PHLPP1: variants seen among roughly 807,000 people sequenced by gnomAD.
PHLPP1 encodes PH domain leucine-rich repeat-containing protein phosphatase 1.
A neutral mutation model predicts 117.2 loss-of-function variants in PHLPP1; 42 were observed. The observed-to-expected ratio is 0.36, with a 90% CI of 0.28 to 0.46. PHLPP1 has a LOEUF of 0.46. Ranked by LOEUF, PHLPP1 falls within the 20% of genes least tolerant of loss-of-function variation. PHLPP1 has a pLI of 1.00. For synonymous variants in PHLPP1, 1,042 were observed against 970.7 expected (o/e 1.07, Z -1.37); for missense variants, 2,084 against 2,241.9 (o/e 0.93, Z 1.42).
intron 15 of PHLPP1, 48 bp downstream of exon 15, chr18:62,972,756 T>G (rs1003038866): frequency 8.7e-6 from 12 of 1,381,076 alleles, no homozygotes; most frequent in Non-Finnish European, 1.1e-5. Context: ...TCTTGCTCTT[T>G]GAGTGTTTAT....
intron 1 of PHLPP1, among the ~76,000 whole-genome samples, chr18:62,793,418 A>G (rs955668425): frequency 2.0e-5 from 3 of 152,128 alleles, no homozygotes; most frequent in Non-Finnish European, 4.4e-5. Flanking sequence ...TTTCATTCTA[A>G]CTGCCAGATT....
chr18:62,941,872 A>G lies in PHLPP1; in HGVS notation c.3115A>G (p.Lys1039Glu), dbSNP rs565081361. 1 of 1,614,028 alleles carries G rather than the reference A, an allele frequency of 6.2e-7. No homozygotes were observed. The highest frequency in any genetic ancestry group is 2.2e-5 in the East Asian group (1 of 44,888). ...VPLLTGHPHLKILHMAYNRLQ... is the reference protein window; with the variant it reads ...VPLLTGHPHLEILHMAYNRLQ... ...CTTGTTAACGGGACACCCCCATTTG[A>G]AGATCCTTCACATGGCCTATAACCG... Residue 1039 changes from lysine (K) to glutamate (E), a missense_variant, in exon 11 of 17, where the codon AAG (lysine) becomes GAG (glutamate). By Grantham distance (56) the Lys-to-Glu change is moderately conservative. Coordinates refer to ENST00000262719, the MANE Select transcript of PHLPP1 (RefSeq NM_194449.4).
At chr18:62,717,711 C>T (rs1207457323) in intron 1 of PHLPP1, among the ~76,000 whole-genome samples, 1 of 152,152 alleles carries the variant, frequency 6.6e-6, no homozygotes, top group African/African-American at 2.4e-5. Context: ...AGCGTTCTAG[C>T]TGTATGTGCC....
At chr18:62,874,366 G>A (rs1364482093) in intron 4 of PHLPP1, among the ~76,000 whole-genome samples, 3 of 151,826 alleles carry the variant, frequency 2.0e-5, no homozygotes, top group Non-Finnish European at 4.4e-5. Context: ...AAACTTAGCC[G>A]GGCATGGTGG....
At chr18:62,878,298 C>A (rs944892250) in intron 4 of PHLPP1, among the ~76,000 whole-genome samples, 2 of 152,162 alleles carry the variant, frequency 1.3e-5, no homozygotes, top group African/African-American at 4.8e-5. Context: ...TAATTAACAT[C>A]TTTGCTGATG....
chr18:62,836,254 T>C (rs1031890791), intron 2 of PHLPP1, among the ~76,000 whole-genome samples: 1 of 150,864 alleles, frequency 6.6e-6, no homozygotes, highest in Admixed American at 6.6e-5. Context: ...GCCAAGATGG[T>C]GAAACCCTGT....
chr18:62,932,358 A>C (rs1261241533), intron 10 of PHLPP1, among the ~76,000 whole-genome samples: 1 of 152,226 alleles, frequency 6.6e-6, no homozygotes, highest in Non-Finnish European at 1.5e-5. Flanking sequence ...ACATAGACAC[A>C]AAAATCTTCA....
chr18:62,853,190 C>T (rs1439117582), intron 3 of PHLPP1, among the ~76,000 whole-genome samples: 1 of 152,104 alleles, frequency 6.6e-6, no homozygotes, highest in East Asian at 1.9e-4. Context: ...AACCCTCCTT[C>T]CCTTATGTAT....
chr18:62,804,423 T>G (rs2144304094), intron 1 of PHLPP1, among the ~76,000 whole-genome samples: 1 of 152,120 alleles, frequency 6.6e-6, no homozygotes, highest in Admixed American at 6.5e-5. Flanking sequence ...TTTCAAAAAC[T>G]AATTTGGGCC....
At chr18:62,848,739 C>G (rs1485776465) in intron 3 of PHLPP1, among the ~76,000 whole-genome samples, 1 of 152,132 alleles carries the variant, frequency 6.6e-6, no homozygotes, top group Non-Finnish European at 1.5e-5. Flanking sequence ...ACTGGGATGA[C>G]AGGCACAAGC....
chr18:62,947,580 G>A (rs1322592372), intron 12 of PHLPP1, among the ~76,000 whole-genome samples: 1 of 152,170 alleles, frequency 6.6e-6, no homozygotes, highest in Admixed American at 6.5e-5. Context: ...TGGTGCAGGT[G>A]AAATTCTAGC....
At chr18:62,751,592 C>T (rs189154263) in intron 1 of PHLPP1, among the ~76,000 whole-genome samples, 3 of 152,294 alleles carry the variant, frequency 2.0e-5, no homozygotes, top group East Asian at 1.9e-4. Flanking sequence ...CCCTTTGTGT[C>T]GCTCCTGAAT....
intron 4 of PHLPP1, among the ~76,000 whole-genome samples, chr18:62,888,250 T>G (rs1916327776): frequency 6.6e-6 from 1 of 152,004 alleles, no homozygotes; most frequent in Non-Finnish European, 1.5e-5. Context: ...CACTGAAATA[T>G]TAGTTTAAAA....
At chr18:62,906,420 A>C (rs905659159) in intron 8 of PHLPP1, 9 of 150,782 alleles carry the variant, frequency 6.0e-5, no homozygotes, top group African/African-American at 2.2e-4. Flanking sequence ...AGGGAGTGCC[A>C]GACAGTGGGC....
At chr18:62,854,887 G>A (rs1005393005) in intron 3 of PHLPP1, among the ~76,000 whole-genome samples, 2 of 151,984 alleles carry the variant, frequency 1.3e-5, no homozygotes, top group African/African-American at 2.4e-5. Flanking sequence ...AGTAGAGAAG[G>A]GGTTTCACCA....
At chr18:62,766,916 CT>C (rs1404033929) in intron 1 of PHLPP1, among the ~76,000 whole-genome samples, 1 of 152,040 alleles carries the variant, frequency 6.6e-6, no homozygotes, top group Non-Finnish European at 1.5e-5. Flanking sequence ...GAAAGATAAA[CT>C]GTCTACAGAT....
At chr18:62,751,875 GTGACTCAGTGGATTGA>G (rs1166489974) in intron 1 of PHLPP1, among the ~76,000 whole-genome samples, 2 of 152,104 alleles carry the variant, frequency 1.3e-5, no homozygotes, top group East Asian at 3.9e-4. Context: ...AGGGTCTTAA[GTGACTCAGTGGATTGA>G]TAACTCCTGT....
Position 62,948,979 on chromosome 18 carries a change from A to G in PHLPP1, c.3324+3708A>G, listed in dbSNP as rs573025596. Reference sequence around the variant, plus strand: ...AAGTGTGCCTATTTTTATGTATTTTATGTAAACTAAGCATATTTTTAATGT... The same window carrying G: ...AAGTGTGCCTATTTTTATGTATTTTGTGTAAACTAAGCATATTTTTAATGT... On this transcript the variant is annotated intron_variant, in intron 12 of 16. Coordinates refer to ENST00000262719, the MANE Select transcript of PHLPP1 (RefSeq NM_194449.4). Among the ~76,000 whole-genome samples the G allele has an allele frequency of 3.9e-5, 6 of 152,292 alleles. No individual in the cohort carries two copies. In the South Asian group the frequency reaches 6.2e-4, roughly 16 times the overall value.
At chr18:62,867,894 C>T (rs989448103) in intron 4 of PHLPP1, among the ~76,000 whole-genome samples, 4 of 152,026 alleles carry the variant, frequency 2.6e-5, no homozygotes, top group African/African-American at 9.7e-5. Flanking sequence ...TCACTGCAAG[C>T]TCCGCCTCCC....
Sources: allele counts gnomAD v4.1 joint callset (sites outside exome capture counted in the v4.1 genomes callset), GRCh38; gene constraint gnomAD v4.1.1; transcripts MANE v1.5; gene names NCBI Gene and HGNC (gene_info 2026-07-23, HGNC 2026-07-21).